The following FER variants were observed in gnomAD, a reference collection of about 807,000 sequenced individuals.
The protein encoded by FER is FER tyrosine kinase.
A neutral mutation model predicts 111.0 loss-of-function variants in FER; 63 were observed. The observed-to-expected ratio is 0.57, with a 90% CI of 0.46 to 0.70. The LOEUF (loss-of-function observed/expected upper bound fraction) is 0.70, where lower values mean the gene tolerates loss of function less well. Ranked by LOEUF, FER falls within the 30% of genes least tolerant of loss-of-function variation. The pLI is 0.00. For synonymous variants in FER, 327 were observed against 313.9 expected, an observed-to-expected ratio of 1.04 and a Z score of -0.44; for missense variants, 914 against 954.0, an observed-to-expected ratio of 0.96 and a Z score of 0.55.
In FER at chr5:109,194,401, T is replaced by C. The variant is rs1032384318; in HGVS notation, c.*6826T>C. Reference sequence around the variant, plus strand: ...GCACATTGCATGAAAATACCTGTACTCTGCAGTTCCTCAAAGCAGTATTCT... The same window carrying C: ...GCACATTGCATGAAAATACCTGTACCCTGCAGTTCCTCAAAGCAGTATTCT... On this transcript the variant is annotated 3_prime_UTR_variant, in exon 20 of 20. Coordinates refer to ENST00000281092, the MANE Select transcript of FER (RefSeq NM_005246.4). 6.6e-6 allele frequency: 1 copy of C among 152,192 alleles called. No individual in the cohort carries two copies. The highest frequency in any genetic ancestry group is 1.5e-5 in the Non-Finnish European group (1 of 68,054). 9.4% of individuals were successfully genotyped at this position (152,192 alleles called of 1,614,324 possible).
intron 9 of FER, among the ~76,000 whole-genome samples, chr5:108,893,985 TC>T (rs1421390971): frequency 8.6e-5 from 13 of 150,292 alleles, no homozygotes; most frequent in Non-Finnish European, 1.9e-4. Context: ...TTTTTTTTTT[TC>T]CCCTGCATCA....
chr5:108,900,017 A>G (rs1459915094), intron 10 of FER, among the ~76,000 whole-genome samples: 2 of 152,228 alleles, frequency 1.3e-5, no homozygotes, highest in Admixed American at 6.5e-5. Flanking sequence ...ATGGTGCTGC[A>G]TATTTCATTT....
intron 13 of FER, among the ~76,000 whole-genome samples, chr5:109,034,818 T>C (rs1770140317): frequency 6.6e-6 from 1 of 152,154 alleles, no homozygotes; most frequent in Non-Finnish European, 1.5e-5. Flanking sequence ...TTAAAATAAC[T>C]TTCCTGACTG....
At chr5:109,104,816 C>T (rs566516710) in intron 17 of FER, among the ~76,000 whole-genome samples, 3 of 152,150 alleles carry the variant, frequency 2.0e-5, no homozygotes, top group Admixed American at 1.3e-4. Context: ...CATCTCGGCT[C>T]ACTGCAAGCT....
rs1184582088 is a variant in FER, at chr5:108,852,480, A to G, written c.482-15287A>G. Among the ~76,000 whole-genome samples, 3 of 152,238 alleles carry G rather than the reference A, an allele frequency of 2.0e-5. No individual in the cohort carries two copies. The East Asian group carries it at 5.8e-4, about 29-fold the overall frequency. Reference sequence around the variant, plus strand: ...GAATGGCAACTAGCCTTCTTATTCAATATCTGTATATTTTGGCGATATTTA... The same window carrying G: ...GAATGGCAACTAGCCTTCTTATTCAGTATCTGTATATTTTGGCGATATTTA... On this transcript the variant is annotated intron_variant, in intron 5 of 19. Coordinates refer to ENST00000281092, the MANE Select transcript of FER (RefSeq NM_005246.4).
In FER at chr5:108,959,302, C is replaced by T; in HGVS notation, c.1611C>T (p.Val537=). ...LIDHHYTTKQ[V]ITKKSGVVLL... ...ATCATCACTATACAACAAAACAGGTCATCACTAAGAAATCAGGTGTAGTTC... is the reference window on the plus strand; with the variant it reads ...ATCATCACTATACAACAAAACAGGTTATCACTAAGAAATCAGGTGTAGTTC... The change falls in exon 13 of 20, where the codon GTC becomes GTT. Residue 537 remains valine, a synonymous_variant. Coordinates refer to ENST00000281092, the MANE Select transcript of FER (RefSeq NM_005246.4). 6 of 1,611,972 alleles carry T rather than the reference C, an allele frequency of 3.7e-6. No individual in the cohort carries two copies. The highest frequency in any genetic ancestry group is 4.5e-5 in the East Asian group (2 of 44,688).
chr5:108,968,188 A>G (rs1249189243), intron 13 of FER, among the ~76,000 whole-genome samples: 4 of 152,232 alleles, frequency 2.6e-5, no homozygotes, highest in Admixed American at 6.5e-5. Flanking sequence ...GGAGTTCGAG[A>G]CAAGCCTGGC....
At chr5:109,102,953 T>C (rs1317615704) in intron 17 of FER, among the ~76,000 whole-genome samples, 2 of 152,150 alleles carry the variant, frequency 1.3e-5, no homozygotes, top group Non-Finnish European at 2.9e-5. Context: ...CAATAGAATT[T>C]TACTTGATGT....
At chr5:108,790,750 T>C (rs934621836) in intron 2 of FER, among the ~76,000 whole-genome samples, 1 of 152,328 alleles carries the variant, frequency 6.6e-6, no homozygotes, top group Middle Eastern at 3.4e-3. Flanking sequence ...CTACAATCAA[T>C]GTTAGAACAT....
At chr5:108,946,101 G>A in intron 10 of FER, 29 bp from the exon 11 acceptor site, 1 of 1,524,036 alleles carries the variant, frequency 6.6e-7, no homozygotes, top group Non-Finnish European at 9.1e-7. Flanking sequence ...GTTTACTGTT[G>A]CTGAAGGCTT....
chr5:108,892,394 A>G (rs1415018573), intron 9 of FER, among the ~76,000 whole-genome samples: 1 of 151,894 alleles, frequency 6.6e-6, no homozygotes, highest in African/African-American at 2.4e-5. Context: ...TGTGGTTTTG[A>G]TTTGCATTTC....
Position 108,798,259 on chromosome 5 carries a change from A to T in FER, c.77A>T (p.Glu26Val). 1 of 1,614,032 alleles carries T rather than the reference A, an allele frequency of 6.2e-7. No individual in the cohort carries two copies. The highest frequency in any genetic ancestry group is 8.5e-7 in the Non-Finnish European group (1 of 1,179,914). ...KLQDWELRLL[E>V]TVKKFMALRI... ...CAAGACTGGGAATTACGGTTACTGG[A>T]AACAGTAAAGAAATTTATGGCCCTG... The change falls in exon 3 of 20, where the codon GAA becomes GTA. Residue 26 changes from glutamate (E) to valine (V), a missense_variant. Physicochemically the swap from Glu to Val is moderately radical, Grantham distance 121 (BLOSUM62 -2). This residue lies in a region of FER where 774 missense variants were observed against 782.6 expected (regional missense o/e 0.99). Coordinates refer to ENST00000281092, the MANE Select transcript of FER (RefSeq NM_005246.4).
intron 16 of FER, among the ~76,000 whole-genome samples, chr5:109,077,660 A>G (rs747512982): frequency 3.9e-5 from 6 of 152,198 alleles, no homozygotes; most frequent in Non-Finnish European, 7.4e-5. Context: ...TCAGGGCAAT[A>G]TTCCTTGTTT....
chr5:108,931,321 A>AT (rs571215538), intron 10 of FER, among the ~76,000 whole-genome samples: 67 of 150,918 alleles, frequency 4.4e-4, no homozygotes, highest in African/African-American at 1.2e-3. Flanking sequence ...TTTTCCATGT[A>AT]TTTTTTTTTC....
chr5:108,966,279 A>AT (rs1759804185), intron 13 of FER, among the ~76,000 whole-genome samples: 1 of 152,082 alleles, frequency 6.6e-6, no homozygotes, highest in South Asian at 2.1e-4. Flanking sequence ...AGTCATTGGA[A>AT]TTTTTTAATG....
In FER at chr5:108,979,267, C is replaced by A. The variant is rs565457947; in HGVS notation, c.1656+19920C>A. On this transcript the variant is annotated intron_variant, in intron 13 of 19. Transcript: ENST00000281092. ...TTCAGAAGTCGATTCAGCTTGACAC[C>A]TTCTCTACCAGCTGTATCTTTGCTA... Among the ~76,000 whole-genome samples the A allele has an allele frequency of 3.9e-5, 6 of 152,218 alleles. No homozygotes were observed. In the South Asian group the frequency reaches 6.2e-4, roughly 16 times the overall value.
At chr5:109,181,593 A>G (rs1331327865) in intron 18 of FER, among the ~76,000 whole-genome samples, 2 of 152,200 alleles carry the variant, frequency 1.3e-5, no homozygotes, top group East Asian at 1.9e-4. Flanking sequence ...TGAGCCATGG[A>G]TTGGTGAATG....
At chr5:108,999,894 A>C (rs1764497817) in intron 13 of FER, among the ~76,000 whole-genome samples, 1 of 152,072 alleles carries the variant, frequency 6.6e-6, no homozygotes, top group Non-Finnish European at 1.5e-5. Context: ...AGTCTCTTTT[A>C]ATAAGTAGGA....
chr5:109,002,166 T>A (rs1457169292), intron 13 of FER, among the ~76,000 whole-genome samples: 1 of 151,254 alleles, frequency 6.6e-6, no homozygotes, highest in Non-Finnish European at 1.5e-5. Context: ...CATTGCCAAG[T>A]CACTCCTAAG....
Sources: gnomAD v4.1 joint callset for allele counts (sites outside exome capture counted in the v4.1 genomes callset) on GRCh38, gnomAD v4.1.1 for gene constraint, gnomAD v4.1.1 regional missense constraint, MANE v1.5 for transcripts, NCBI Gene and HGNC (gene_info 2026-07-23, HGNC 2026-07-21) for gene names.